TMEM185A: variants seen among roughly 807,000 people sequenced by gnomAD.
TMEM185A encodes the protein family with sequence similarity 11, member A.
TMEM185A carries 9 observed loss-of-function variants against 25.0 expected under a neutral mutation model. The ratio of observed to expected loss-of-function variants is 0.36; its 90% confidence interval spans 0.22 to 0.63. The LOEUF (loss-of-function observed/expected upper bound fraction) is 0.63, where lower values mean the gene tolerates loss of function less well. TMEM185A is among the 20% of genes least tolerant of loss of function. The probability of loss-of-function intolerance (pLI) is 0.68; values close to 1 mark genes in which losing one functional copy is unlikely to be tolerated. For synonymous variants in TMEM185A, 45 were observed against 93.5 expected, an observed-to-expected ratio of 0.48 and a Z score of 2.99; for missense variants, 103 against 237.4, an observed-to-expected ratio of 0.43 and a Z score of 3.72.
chrX:149,602,226 C>A (rs1417324494), intron 4 of TMEM185A: 1 of 108,315 alleles, frequency 9.2e-6, no homozygotes, highest in Non-Finnish European at 1.9e-5. Context: ...GGCCTGTCTT[C>A]ATTTCATTTT....
At chrX:149,599,490 AC>A (rs2090008915) in intron 6 of TMEM185A, 63 bp downstream of exon 6, 1 of 406,167 alleles carries the variant, frequency 2.5e-6, no homozygotes. Flanking sequence ...TCTATCCGCC[AC>A]CCCCCACCCC....
chrX:149,624,447 A>G (rs914124077), intron 1 of TMEM185A, among the ~76,000 whole-genome samples: 2 of 112,346 alleles, frequency 1.8e-5, no homozygotes, highest in African/African-American at 6.5e-5. Flanking sequence ...TCTGCATATC[A>G]TAAGAATGCA....
intron 3 of TMEM185A, among the ~76,000 whole-genome samples, chrX:149,605,418 TCTATGGCCTCCCATGTCA>T (rs1444739728): frequency 6.4e-4 from 63 of 99,114 alleles, no homozygotes; most frequent in South Asian, 2.0e-3. Context: ...CATGTCACTT[TCTATGGCCTCCCATGTCA>T]CTATGGCCTC....
chrX:149,608,811 T>C lies in TMEM185A; in HGVS notation c.239A>G (p.Glu80Gly). 1 of 1,210,627 alleles carries C rather than the reference T, an allele frequency of 8.3e-7. No homozygotes were observed. Among genetic ancestry groups the C allele is most frequent in the Admixed American group, 2.2e-5 (1 of 45,954 alleles). ...CACTGCAATCAACATGGCTTTAAAC[T>C]CCACACACGTTTCTCCTTCTGCTCT... ...QYRAEGETCV[E>G]FKAMLIAVGI... The change falls in exon 3 of 7, where the codon GAG becomes GGG. Residue 80 changes from glutamate to glycine, a missense_variant. By Grantham distance (98) the Glu-to-Gly change is moderately conservative. This residue lies in a region of TMEM185A where 102 missense variants were observed against 125.7 expected (regional missense o/e 0.81). Coordinates refer to ENST00000600449, the MANE Select transcript of TMEM185A (RefSeq NM_032508.4).
intron 1 of TMEM185A, among the ~76,000 whole-genome samples, chrX:149,613,410 A>C (rs1269804829): frequency 8.9e-6 from 1 of 112,078 alleles, no homozygotes; most frequent in Non-Finnish European, 1.9e-5. Context: ...TGAGCCAAGG[A>C]ATGCAGGCAG....
chrX:149,614,518 G>C (rs1176115144), intron 1 of TMEM185A, among the ~76,000 whole-genome samples: 1 of 110,608 alleles, frequency 9.0e-6, no homozygotes, highest in Non-Finnish European at 1.9e-5. Context: ...ATGGAGGTAA[G>C]GAACCTCCAT....
intron 1 of TMEM185A, among the ~76,000 whole-genome samples, chrX:149,618,487 C>T (rs916219981): frequency 1.8e-5 from 2 of 111,258 alleles, no homozygotes; most frequent in Non-Finnish European, 3.8e-5. Flanking sequence ...ATATGTACCT[C>T]ATAAGGTGGC....
intron 1 of TMEM185A, among the ~76,000 whole-genome samples, chrX:149,621,646 T>A (rs904451982): frequency 2.7e-5 from 3 of 111,948 alleles, no homozygotes; most frequent in Admixed American, 9.4e-5. Flanking sequence ...CTCGCTGGGC[T>A]AAACTTGAGG....
At position 149,611,401 on chromosome X, in the gene TMEM185A, C is replaced by G. The variant is rs1557354482; in HGVS notation, c.101G>C (p.Gly34Ala). 8.3e-7 allele frequency: 1 copy of G among 1,209,084 alleles called. No homozygotes were observed. The highest frequency in any genetic ancestry group is 1.1e-6 in the Non-Finnish European group (1 of 894,888). Residue 34 changes from glycine (G) to alanine (A), a missense_variant, in exon 2 of 7, where the codon GGC becomes GCC. Physicochemically the swap from Gly to Ala is moderately conservative, Grantham distance 60. This residue lies in a region of TMEM185A where 102 missense variants were observed against 125.7 expected (regional missense o/e 0.81). Transcript: ENST00000600449. Reference sequence around the variant, plus strand: ...AGCCCAGTAACTCCACTGTATGATGCCATCCAAACGAAGGGCCAGCAGCAC... The same window carrying G: ...AGCCCAGTAACTCCACTGTATGATGGCATCCAAACGAAGGGCCAGCAGCAC... The part of the protein sequence containing the change: ...FSVLLALRLD[G>A]IIQWSYWAVF...
At chrX:149,621,287 T>TAA (rs1421153208) in intron 1 of TMEM185A, among the ~76,000 whole-genome samples, 2 of 110,654 alleles carry the variant, frequency 1.8e-5, no homozygotes, top group African/African-American at 6.6e-5. Context: ...CCTTATTTAA[T>TAA]AAAAAAAGAG....
intron 1 of TMEM185A, among the ~76,000 whole-genome samples, chrX:149,613,171 A>C (rs1195348269): frequency 8.9e-6 from 1 of 112,324 alleles, no homozygotes; most frequent in Non-Finnish European, 1.9e-5. Context: ...AATACTGTGA[A>C]GGGACTTTGC....
intron 2 of TMEM185A, among the ~76,000 whole-genome samples, chrX:149,610,428 CAAAAAAAAA>C (rs374846385): frequency 1.5e-4 from 4 of 26,597 alleles, no homozygotes; most frequent in East Asian, 1.7e-3. Context: ...AACTCTGTCT[CAAAAAAAAA>C]AAAAAAAAAA....
chrX:149,627,004 T>G (rs1222454358), intron 1 of TMEM185A, among the ~76,000 whole-genome samples: 1 of 111,906 alleles, frequency 8.9e-6, no homozygotes, highest in East Asian at 2.8e-4. Context: ...TTCCCAGGGA[T>G]GAGCAGGAGA....
chrX:149,617,280 C>A (rs1243225489), intron 1 of TMEM185A, among the ~76,000 whole-genome samples: 2 of 111,720 alleles, frequency 1.8e-5, no homozygotes, highest in African/African-American at 6.5e-5. Flanking sequence ...CCAAAAGATA[C>A]CTATCATTAA....
At chrX:149,598,888 C>A (rs1324674094) in intron 6 of TMEM185A, among the ~76,000 whole-genome samples, 1 of 67,972 alleles carries the variant, frequency 1.5e-5, no homozygotes, top group Non-Finnish European at 2.4e-5. Flanking sequence ...TCCCTGCTCC[C>A]GGGTGCGGGG....
chrX:149,630,549 A>C (rs1227423065), intron 1 of TMEM185A, among the ~76,000 whole-genome samples: 1 of 112,112 alleles, frequency 8.9e-6, no homozygotes, highest in Non-Finnish European at 1.9e-5. Flanking sequence ...CCTTTCGGAG[A>C]GTAGTGCATT....
intron 4 of TMEM185A, among the ~76,000 whole-genome samples, chrX:149,603,291 G>A (rs1185353075): frequency 9.1e-6 from 1 of 109,446 alleles, no homozygotes; most frequent in Non-Finnish European, 1.9e-5. Context: ...AATGGGTATG[G>A]CTTTTTTTTT....
chrX:149,619,005 G>A (rs1320024787), intron 1 of TMEM185A, among the ~76,000 whole-genome samples: 1 of 111,646 alleles, frequency 9.0e-6, no homozygotes, highest in Non-Finnish European at 1.9e-5. Context: ...AATGGTAGAC[G>A]TTCTTCAACA....
At chrX:149,620,700 C>G (rs1463638644) in intron 1 of TMEM185A, among the ~76,000 whole-genome samples, 1 of 112,076 alleles carries the variant, frequency 8.9e-6, no homozygotes, top group Non-Finnish European at 1.9e-5. Flanking sequence ...GAAAGGGTCT[C>G]AAGGCCCACT....
Sources: allele counts gnomAD v4.1 joint callset (sites outside exome capture counted in the v4.1 genomes callset), GRCh38; gene constraint gnomAD v4.1.1; regional missense constraint gnomAD v4.1.1; transcripts MANE v1.5; gene names NCBI Gene and HGNC (gene_info 2026-07-23, HGNC 2026-07-21).